Variants in TM9SF4 observed in about 807,000 individuals in gnomAD.
The protein encoded by TM9SF4 is transmembrane 9 superfamily member 4.
Under a neutral mutation model 90.4 loss-of-function variants are expected in TM9SF4, and 26 were observed. That is an observed-to-expected ratio of 0.29 (90% CI 0.21 to 0.40). The LOEUF is 0.40. Among genes scored for constraint, TM9SF4 ranks in the 10% least tolerant of loss-of-function variants. The pLI, the probability that TM9SF4 is intolerant of heterozygous loss-of-function variation, is 1.00. For missense variants in TM9SF4, 549 were observed against 834.8 expected (o/e 0.66, Z 4.22); for synonymous variants, 293 against 315.4 (o/e 0.93, Z 0.75).
At chr20:32,149,567 G>A (rs1402086648) in intron 9 of TM9SF4, 67 bp from the exon 10 acceptor site, 5 of 1,609,334 alleles carry the variant, frequency 3.1e-6, no homozygotes, top group Non-Finnish European at 3.4e-6. Flanking sequence ...CTGTCACCTT[G>A]GGGGTGGTCC....
At chr20:32,162,578 T>A (rs892896671) in intron 17 of TM9SF4, among the ~76,000 whole-genome samples, 4 of 152,186 alleles carry the variant, frequency 2.6e-5, no homozygotes, top group African/African-American at 9.7e-5. Flanking sequence ...AACTAAAATA[T>A]TTACAATCTG....
At chr20:32,140,334 C>T (rs2046653951) in intron 3 of TM9SF4, among the ~76,000 whole-genome samples, 1 of 152,142 alleles carries the variant, frequency 6.6e-6, no homozygotes, top group African/African-American at 2.4e-5. Flanking sequence ...ACAAGGGGTG[C>T]CACTTCATTG....
chr20:32,160,833 C>T (rs1340957358), intron 16 of TM9SF4, among the ~76,000 whole-genome samples: 2 of 150,876 alleles, frequency 1.3e-5, no homozygotes, highest in Non-Finnish European at 2.9e-5. Context: ...GCCTGTAGTC[C>T]CAGCTACTTG....
intron 1 of TM9SF4, among the ~76,000 whole-genome samples, chr20:32,114,142 A>G (rs1296650037): frequency 6.6e-6 from 1 of 152,200 alleles, no homozygotes; most frequent in Non-Finnish European, 1.5e-5. Context: ...TTGTGTGAAC[A>G]TACATTCAGT....
chr20:32,142,918 C>A, intron 5 of TM9SF4, 64 bp from the exon 6 acceptor site: 1 of 1,592,576 alleles, frequency 6.3e-7, no homozygotes, highest in Non-Finnish European at 8.6e-7. Flanking sequence ...AGGCAAGGGC[C>A]CTAATACCTG....
chr20:32,147,973 C>CT, intron 9 of TM9SF4, among the ~76,000 whole-genome samples: 1 of 152,084 alleles, frequency 6.6e-6, no homozygotes, highest in East Asian at 1.9e-4. Context: ...TTAGCTGAGC[C>CT]TGGTGGCAGG....
intron 14 of TM9SF4, 45 bp downstream of exon 14, chr20:32,158,014 G>T (rs1157801123): frequency 9.3e-6 from 15 of 1,604,634 alleles, no homozygotes; most frequent in African/African-American, 1.3e-5. Flanking sequence ...GTGGAAGAGG[G>T]TACGCCCCCC....
intron 1 of TM9SF4, among the ~76,000 whole-genome samples, chr20:32,123,866 A>ATATATATATATATATTTTTTTTTTTTTTT: frequency 1.1e-4 from 10 of 93,958 alleles, no homozygotes; most frequent in African/African-American, 4.5e-4. Context: ...ATATATATAT[A>ATATATATATATATATTTTTTTTTTTTTTT]TTTTTTTTTT....
rs1405943850 is a variant in TM9SF4, at chr20:32,133,135, G to A, written c.129+9G>A. 2 of 1,613,426 alleles carry A rather than the reference G, an allele frequency of 1.2e-6. No individual in the cohort carries two copies. The highest frequency in any genetic ancestry group is 1.3e-5 in the African/African-American group (1 of 74,912). The stretch of plus-strand genomic sequence containing the variant: ...ATCCCGTAGAAATCAAGGTAAGTGT[G>A]TTCCTGGATTTTTGGAGCCTCTGTG... On this transcript the variant is annotated intron_variant, in intron 2 of 17. Coordinates refer to ENST00000398022, the MANE Select transcript of TM9SF4 (RefSeq NM_014742.4).
At chr20:32,150,314 A>G (rs918036585) in intron 10 of TM9SF4, among the ~76,000 whole-genome samples, 1 of 152,184 alleles carries the variant, frequency 6.6e-6, no homozygotes, top group Non-Finnish European at 1.5e-5. Context: ...GAGACCTGGC[A>G]TTTGTGGTGC....
intron 1 of TM9SF4, among the ~76,000 whole-genome samples, chr20:32,129,362 G>A (rs2046476643): frequency 6.6e-6 from 1 of 152,114 alleles, no homozygotes; most frequent in East Asian, 1.9e-4. Context: ...GCATGGTGGC[G>A]TGTGCCTGTG....
At chr20:32,149,548 G>T in intron 9 of TM9SF4, 86 bp from the exon 10 acceptor site, 1 of 1,578,098 alleles carries the variant, frequency 6.3e-7, no homozygotes, top group South Asian at 1.1e-5. Context: ...TGGCACCTGA[G>T]GGTGTCAGCT....
intron 13 of TM9SF4, among the ~76,000 whole-genome samples, chr20:32,155,715 G>T (rs1325976794): frequency 5.3e-5 from 8 of 152,212 alleles, no homozygotes; most frequent in African/African-American, 1.9e-4. Context: ...GTGGGGAGGG[G>T]GAGTGGGGTC....
intron 1 of TM9SF4, among the ~76,000 whole-genome samples, chr20:32,119,689 A>G (rs959360681): frequency 3.3e-5 from 5 of 151,936 alleles, no homozygotes; most frequent in Non-Finnish European, 7.4e-5. Flanking sequence ...AATTTAATTT[A>G]TTATAATTTT....
At chr20:32,147,870 A>AC (rs1218562341) in intron 9 of TM9SF4, among the ~76,000 whole-genome samples, 13 of 151,588 alleles carry the variant, frequency 8.6e-5, no homozygotes, top group African/African-American at 3.1e-4. Context: ...AAAAAAAAAA[A>AC]AAAAACTAGA....
chr20:32,116,971 G>C (rs1452074464), intron 1 of TM9SF4, among the ~76,000 whole-genome samples: 1 of 142,842 alleles, frequency 7.0e-6, no homozygotes, highest in Non-Finnish European at 1.5e-5. Flanking sequence ...TGTAATCCCA[G>C]CACTTTGGGA....
chr20:32,127,413 C>T (rs2122356068), intron 1 of TM9SF4, among the ~76,000 whole-genome samples: 1 of 152,252 alleles, frequency 6.6e-6, no homozygotes, highest in Middle Eastern at 3.4e-3. Flanking sequence ...CTCAGATTAA[C>T]ACCATCTGCG....
intron 8 of TM9SF4, among the ~76,000 whole-genome samples, chr20:32,146,179 G>A (rs916801481): frequency 6.6e-6 from 1 of 152,126 alleles, no homozygotes; most frequent in African/African-American, 2.4e-5. Flanking sequence ...AACTAGGCCC[G>A]AAAATGTTAA....
At chr20:32,125,402 G>A (rs1036461652) in intron 1 of TM9SF4, among the ~76,000 whole-genome samples, 1 of 152,176 alleles carries the variant, frequency 6.6e-6, no homozygotes, top group African/African-American at 2.4e-5. Context: ...GTAGGTTTGG[G>A]ATTTGAATTC....
Sources: gnomAD v4.1 joint callset for allele counts (sites outside exome capture counted in the v4.1 genomes callset) on GRCh38, gnomAD v4.1.1 for gene constraint, MANE v1.5 for transcripts, NCBI Gene and HGNC (gene_info 2026-07-23, HGNC 2026-07-21) for gene names.